Variants in ABCA4 observed in about 807,000 individuals in gnomAD.
ABCA4 encodes the protein retinal-specific phospholipid-transporting ATPase ABCA4.
ABCA4 carries 196 observed loss-of-function variants against 263.7 expected under a neutral mutation model. That is an observed-to-expected ratio of 0.74 (90% CI 0.66 to 0.84). The LOEUF (loss-of-function observed/expected upper bound fraction) is 0.84, where lower values mean the gene tolerates loss of function less well. Ranked by LOEUF, ABCA4 falls within the 40% of genes least tolerant of loss-of-function variation. The pLI is 0.00. For synonymous variants in ABCA4, 1,133 were observed against 1,094.2 expected (o/e 1.04, Z -0.70); for missense variants, 2,792 against 2,855.1 (o/e 0.98, Z 0.50).
At chr1:94,033,837 T>G (rs575292901) in intron 26 of ABCA4, among the ~76,000 whole-genome samples, 38 of 152,172 alleles carry the variant, frequency 2.5e-4, no homozygotes, top group African/African-American at 9.2e-4. Flanking sequence ...TTCTGCAGGC[T>G]CCTTCTCCTG....
intron 35 of ABCA4, among the ~76,000 whole-genome samples, chr1:94,020,281 C>A (rs1659860652): frequency 6.6e-6 from 1 of 152,182 alleles, no homozygotes; most frequent in African/African-American, 2.4e-5. Flanking sequence ...TCTATTTATT[C>A]TTTCCTCGGA....
intron 6 of ABCA4, among the ~76,000 whole-genome samples, chr1:94,093,086 G>C (rs935917192): frequency 6.6e-6 from 1 of 152,188 alleles, no homozygotes; most frequent in African/African-American, 2.4e-5. Flanking sequence ...CCCAGCAGCT[G>C]CCCAGGCCTG....
At position 94,062,455 on chromosome 1, in the gene ABCA4, C is replaced by T. The variant is rs574035594; in HGVS notation, c.1937+122G>A. On this transcript the variant is annotated intron_variant, in intron 13 of 49. Coordinates refer to ENST00000370225, the MANE Select transcript of ABCA4 (RefSeq NM_000350.3). ...CAGAGCTCCATGCTCTCCAATTTGG[C>T]TCTGGTCCCTGGGGCTCTCTCTAAA... 148 of 1,225,346 alleles carry T rather than the reference C, an allele frequency of 1.2e-4. No homozygotes were observed. The East Asian group carries it at 3.4e-3, about 28-fold the overall frequency. 75.9% of individuals were successfully genotyped at this position (1,225,346 alleles called of 1,614,324 possible).
intron 49 of ABCA4, among the ~76,000 whole-genome samples, chr1:93,994,179 G>A (rs1658939684): frequency 6.6e-6 from 1 of 152,140 alleles, no homozygotes; most frequent in South Asian, 2.1e-4. Context: ...CACATGCGAT[G>A]GTCACATAAT....
At chr1:94,103,903 C>T (rs1026075562) in intron 4 of ABCA4, among the ~76,000 whole-genome samples, 2 of 152,162 alleles carry the variant, frequency 1.3e-5, no homozygotes, top group African/African-American at 2.4e-5. Flanking sequence ...CTGTGGGAAG[C>T]AGGGTTTCTT....
At chr1:94,044,110 C>CCTCCCTCCCTTCT in intron 20 of ABCA4, among the ~76,000 whole-genome samples, 1 of 3,564 alleles carries the variant, frequency 2.8e-4, no homozygotes, top group South Asian at 0.083. Flanking sequence ...TCCTTCCTTC[C>CCTCCCTCCCTTCT]TTCCTTCCTT....
intron 1 of ABCA4, among the ~76,000 whole-genome samples, chr1:94,117,027 C>CTTTCTTTCTTTCTTTCT (rs1557812458): frequency 4.4e-5 from 2 of 45,284 alleles, no homozygotes; most frequent in African/African-American, 1.7e-4. Context: ...TCTTTCTTTC[C>CTTTCTTTCTTTCTTTCT]TTTTCTTTCT....
intron 30 of ABCA4, among the ~76,000 whole-genome samples, chr1:94,028,803 G>A (rs1351539763): frequency 1.3e-5 from 2 of 151,050 alleles, no homozygotes; most frequent in East Asian, 3.9e-4. Flanking sequence ...CCCACTACTC[G>A]GGGGGGCTGA....
At chr1:94,119,360 C>T (rs1012405093) in intron 1 of ABCA4, among the ~76,000 whole-genome samples, 4 of 152,184 alleles carry the variant, frequency 2.6e-5, no homozygotes, top group African/African-American at 9.7e-5. Flanking sequence ...TAACTTGTCT[C>T]TTCCCCCTGC....
rs1557787865 is a variant in ABCA4, at chr1:94,063,264, T to C, written c.1608A>G (p.Gln536=). ...TTTCCTCCAGTAGAGAGAGGGCACG[T>C]TGGGTGAGCTGAGTTTCATCATTGT... ...ESYNDETQLT[Q]RALSLLEENM... Residue 536 remains glutamine, a synonymous_variant, in exon 12 of 50, where the codon CAA becomes CAG. Transcript: ENST00000370225. 6.2e-6 allele frequency: 10 copies of C among 1,614,114 alleles called. No individual in the cohort carries two copies. The highest frequency in any genetic ancestry group is 8.5e-6 in the Non-Finnish European group (10 of 1,180,014).
intron 43 of ABCA4, among the ~76,000 whole-genome samples, chr1:94,006,706 G>A (rs1342073491): frequency 3.3e-5 from 5 of 152,184 alleles, no homozygotes; most frequent in African/African-American, 1.2e-4. Context: ...CATCCTGTCT[G>A]AGCCAGTGAA....
At chr1:94,005,125 T>TA (rs1422606011) in intron 44 of ABCA4, among the ~76,000 whole-genome samples, 1 of 152,254 alleles carries the variant, frequency 6.6e-6, no homozygotes, top group African/African-American at 2.4e-5. Flanking sequence ...GATCACCTTA[T>TA]ACATATTCAT....
At chr1:94,097,712 C>A (rs1662159909) in intron 6 of ABCA4, among the ~76,000 whole-genome samples, 1 of 152,082 alleles carries the variant, frequency 6.6e-6, no homozygotes, top group African/African-American at 2.4e-5. Context: ...GCACTTGCAT[C>A]TTTTACCAAC....
At position 94,063,146 on chromosome 1, in the gene ABCA4, C is replaced by G. The variant is rs374224955; in HGVS notation, c.1726G>C (p.Asp576His). 6.8e-6 allele frequency: 11 copies of G among 1,614,072 alleles called. No homozygotes were observed. Among genetic ancestry groups the G allele is most frequent in the African/African-American group, 1.3e-5 (1 of 74,930 alleles). The change falls in exon 12 of 50, where the codon GAC becomes CAC. Residue 576 changes from aspartate (D) to histidine (H), a missense_variant. Transcript: ENST00000370225. ...ATCTTATTGGTTTTCTCCACCACGT[C>G]TATGTCCATTCGGATCTTATACTTC... ...HVKYKIRMDI[D>H]VVEKTNKIKD...
chr1:94,043,378 C>T lies in ABCA4; in HGVS notation c.3148G>A (p.Gly1050Ser), dbSNP rs1034969302. The T allele has an allele frequency of 3.7e-6, 6 of 1,614,140 alleles. No homozygotes were observed. The highest frequency in any genetic ancestry group is 5.1e-6 in the Non-Finnish European group (6 of 1,180,040). ...TCTTCATTCCGCTTGTGGTGGAGGC[C>T]TGTGTCCTCCAACATGGCTTCCATC... ...LEMEAMLEDT[G>S]LHHKRNEEAQ... The change falls in exon 21 of 50, where the codon GGC (glycine) becomes AGC (serine). Residue 1050 changes from glycine to serine, a missense_variant. By Grantham distance (56) the Gly-to-Ser change is moderately conservative. Coordinates refer to ENST00000370225, the MANE Select transcript of ABCA4 (RefSeq NM_000350.3).
Position 94,031,861 on chromosome 1 carries a change from G to C in ABCA4, c.4045C>G (p.Gln1349Glu). Reference protein sequence around the residue: ...CPGPQLNTGTQLVLQHVQALL... With the variant: ...CPGPQLNTGTELVLQHVQALL... ...GCCTGCACATGCTGGAGGACCAGCT[G>C]TGTCCCCGTGTTGAGCTGCGGGCCT... Residue 1349 changes from glutamine to glutamate, a missense_variant, in exon 27 of 50, where the codon CAG (glutamine) becomes GAG (glutamate). Gln to Glu is a conservative substitution (Grantham distance 29). Coordinates refer to ENST00000370225, the MANE Select transcript of ABCA4 (RefSeq NM_000350.3). The C allele has an allele frequency of 6.2e-7, 1 of 1,614,204 alleles. No individual in the cohort carries two copies. Among genetic ancestry groups the C allele is most frequent in the Non-Finnish European group, 8.5e-7 (1 of 1,180,046 alleles).
chr1:94,020,503 T>C (rs1364270566), intron 35 of ABCA4, among the ~76,000 whole-genome samples: 1 of 152,166 alleles, frequency 6.6e-6, no homozygotes, highest in African/African-American at 2.4e-5. Flanking sequence ...AACAAATGAC[T>C]GGAAGGAGAC....
chr1:94,037,407 G>A (rs1660370395), intron 24 of ABCA4, 57 bp from the exon 25 acceptor site: 1 of 1,533,614 alleles, frequency 6.5e-7, no homozygotes, highest in East Asian at 2.2e-5. Flanking sequence ...GGAAGACTGT[G>A]AGGTTACCCA....
chr1:94,075,942 C>T (rs994696666), intron 11 of ABCA4, among the ~76,000 whole-genome samples: 1 of 152,166 alleles, frequency 6.6e-6, no homozygotes, highest in African/African-American at 2.4e-5. Flanking sequence ...AAGAGAGGGC[C>T]AGGAAGCACA....
Sources: allele counts gnomAD v4.1 joint callset (sites outside exome capture counted in the v4.1 genomes callset), GRCh38; gene constraint gnomAD v4.1.1; transcripts MANE v1.5; gene names NCBI Gene and HGNC (gene_info 2026-07-23, HGNC 2026-07-21).